SENP7: variants seen among roughly 807,000 people sequenced by gnomAD.
SENP7 encodes the protein sentrin-specific protease 7.
A neutral mutation model predicts 141.2 loss-of-function variants in SENP7; 64 were observed. The observed-to-expected ratio is 0.45, with a 90% CI of 0.37 to 0.56. The LOEUF (loss-of-function observed/expected upper bound fraction) is 0.56. Among genes scored for constraint, SENP7 ranks in the 20% least tolerant of loss-of-function variants. SENP7 has a pLI of 0.00. For synonymous variants in SENP7, 382 were observed against 426.4 expected (o/e 0.90, Z 1.28); for missense variants, 1,025 against 1,212.2 (o/e 0.85, Z 2.29).
intron 5 of SENP7, 114 bp downstream of exon 5, chr3:101,417,479 C>A: frequency 1.2e-6 from 1 of 809,778 alleles, no homozygotes; most frequent in Non-Finnish European, 2.1e-6. Flanking sequence ...GTGTGGTATG[C>A]CTATATATGC....
intron 3 of SENP7, among the ~76,000 whole-genome samples, chr3:101,468,655 T>C (rs2063855704): frequency 6.6e-6 from 1 of 152,104 alleles, no homozygotes; most frequent in African/African-American, 2.4e-5. Context: ...GACAAGCAAA[T>C]GCTGAGAGAT....
At chr3:101,332,240 T>C in intron 18 of SENP7, 131 bp from the exon 19 acceptor site, 1 of 863,554 alleles carries the variant, frequency 1.2e-6, no homozygotes, top group Non-Finnish European at 1.7e-6. Flanking sequence ...TAACATCTCA[T>C]TATAATATAG....
intron 5 of SENP7, among the ~76,000 whole-genome samples, chr3:101,402,024 C>T (rs987715722): frequency 6.7e-6 from 1 of 150,050 alleles, no homozygotes; most frequent in Admixed American, 6.6e-5. Context: ...AAAAAACTAT[C>T]TCCATAACAT....
At chr3:101,379,825 A>G (rs778336672) in intron 6 of SENP7, among the ~76,000 whole-genome samples, 25 of 152,196 alleles carry the variant, frequency 1.6e-4, no homozygotes, top group Non-Finnish European at 2.5e-4. Context: ...ACTTCTGGAT[A>G]TATACCCAAA....
At chr3:101,343,651 C>A in intron 14 of SENP7, 35 bp downstream of exon 14, 1 of 1,563,488 alleles carries the variant, frequency 6.4e-7, no homozygotes, top group South Asian at 1.2e-5. Context: ...CTGAACCTCC[C>A]CCTTCTCTGC....
At chr3:101,343,664 A>G (rs1559693391) in intron 14 of SENP7, 22 bp downstream of exon 14, 17 of 1,582,234 alleles carry the variant, frequency 1.1e-5, no homozygotes, top group Non-Finnish European at 1.5e-5. Flanking sequence ...TTCTCTGCCA[A>G]TTATATTAAT....
intron 8 of SENP7, 143 bp downstream of exon 8, chr3:101,367,687 A>G (rs2060074184): frequency 3.8e-6 from 2 of 527,054 alleles, no homozygotes; most frequent in Admixed American, 7.3e-5. Flanking sequence ...TTGTTTTTTA[A>G]TAATAAAGCT....
At chr3:101,502,619 A>AG (rs760745683) in intron 1 of SENP7, among the ~76,000 whole-genome samples, 2 of 151,034 alleles carry the variant, frequency 1.3e-5, no homozygotes, top group Non-Finnish European at 2.9e-5. Flanking sequence ...AAAAGAAAAA[A>AG]GAAAAAAAAA....
chr3:101,420,814 A>G (rs149781012), intron 4 of SENP7, among the ~76,000 whole-genome samples: 379 of 152,322 alleles, frequency 2.5e-3, no homozygotes, highest in African/African-American at 8.9e-3. Flanking sequence ...GGCATTCTAC[A>G]GAACAACTGG....
intron 11 of SENP7, chr3:101,357,658 G>C (rs1466774829): frequency 4.0e-6 from 3 of 758,348 alleles, no homozygotes; most frequent in Non-Finnish European, 7.1e-6. Context: ...ACCAATGTTT[G>C]ACAACTACCC....
At chr3:101,459,099 C>A in intron 3 of SENP7, 47 bp from the exon 4 acceptor site, 1 of 1,072,908 alleles carries the variant, frequency 9.3e-7, no homozygotes, top group Non-Finnish European at 1.4e-6. Context: ...ATCAATATGA[C>A]AAGAGGCATT....
chr3:101,491,390 T>C (rs2064962190), intron 3 of SENP7, among the ~76,000 whole-genome samples: 1 of 87,630 alleles, frequency 1.1e-5, no homozygotes, highest in Admixed American at 1.5e-4. Context: ...GCTGAGTAGC[T>C]GGAACTACAG....
chr3:101,507,131 G>T (rs2065653247), intron 1 of SENP7, among the ~76,000 whole-genome samples: 1 of 151,778 alleles, frequency 6.6e-6, no homozygotes. Context: ...GGTGGAGCCA[G>T]GCACAACCCA....
intron 3 of SENP7, among the ~76,000 whole-genome samples, chr3:101,488,992 T>C (rs910706460): frequency 6.6e-6 from 1 of 152,128 alleles, no homozygotes; most frequent in African/African-American, 2.4e-5. Context: ...CCAGAAGAGA[T>C]TGGGGGCCTC....
At chr3:101,364,742 A>T in intron 10 of SENP7, 92 bp downstream of exon 10, 9 of 945,308 alleles carry the variant, frequency 9.5e-6, no homozygotes, top group Non-Finnish European at 1.4e-5. Context: ...TGTAATTTTC[A>T]TTACAATATT....
At chr3:101,496,533 G>C (rs1250723035) in intron 2 of SENP7, among the ~76,000 whole-genome samples, 2 of 151,680 alleles carry the variant, frequency 1.3e-5, no homozygotes, top group East Asian at 3.9e-4. Context: ...CTAAGTGCTG[G>C]GTTTAGAGGC....
intron 3 of SENP7, among the ~76,000 whole-genome samples, chr3:101,476,518 T>C (rs1352742358): frequency 6.6e-6 from 1 of 152,218 alleles, no homozygotes; most frequent in Non-Finnish European, 1.5e-5. Context: ...TTTGGGTTGG[T>C]TCCAAGTCTT....
intron 1 of SENP7, among the ~76,000 whole-genome samples, chr3:101,501,712 A>C (rs566832916): frequency 6.6e-5 from 10 of 152,326 alleles, no homozygotes; most frequent in African/African-American, 2.4e-4. Flanking sequence ...TGTGCTAGGC[A>C]ATGAGTACAG....
chr3:101,357,498 A>C, intron 11 of SENP7: 1 of 1,400,936 alleles, frequency 7.1e-7, no homozygotes, highest in Non-Finnish European at 9.6e-7. Context: ...TTTGCCCAAG[A>C]TCTTTGGCCA....
Sources: gnomAD v4.1 joint callset for allele counts (sites outside exome capture counted in the v4.1 genomes callset) on GRCh38, gnomAD v4.1.1 for gene constraint, MANE v1.5 for transcripts, NCBI Gene and HGNC (gene_info 2026-07-23, HGNC 2026-07-21) for gene names.